OR7E24: variants seen among roughly 807,000 people sequenced by gnomAD.
The protein encoded by OR7E24 is olfactory receptor 7E24.
For synonymous variants in OR7E24, 130 were observed against 157.5 expected, an observed-to-expected ratio of 0.83 and a Z score of 1.31; for missense variants, 385 against 410.3, an observed-to-expected ratio of 0.94 and a Z score of 0.53.
At chr19:9,235,252 G>A in the OR7E24 span, 2 of 1,457,038 alleles carry the variant, frequency 1.4e-6, no homozygotes, top group Middle Eastern at 1.7e-4. Flanking sequence ...CATGTACCTG[G>A]TCATGGTGCT....
chr19:9,239,519 T>C, the OR7E24 span, among the ~76,000 whole-genome samples: 1 of 152,018 alleles, frequency 6.6e-6, no homozygotes, highest in African/African-American at 2.4e-5. Flanking sequence ...CAAGGTGATA[T>C]GTCATTGAGG....
At chr19:9,224,516 G>GA in the OR7E24 span, among the ~76,000 whole-genome samples, 1 of 152,094 alleles carries the variant, frequency 6.6e-6, no homozygotes, top group East Asian at 1.9e-4. Flanking sequence ...AGCACTTTGG[G>GA]AGGCTGAGGC....
At chr19:9,213,918 C>T in the OR7E24 span, 1 of 1,614,000 alleles carries the variant, frequency 6.2e-7, no homozygotes, top group Non-Finnish European at 8.5e-7. Context: ...AGAGTCGGCC[C>T]TGCTGAGGAG....
chr19:9,247,729 C>T (rs895422812), upstream of OR7E24, among the ~76,000 whole-genome samples: 16 of 152,192 alleles, frequency 1.1e-4, no homozygotes, highest in Admixed American at 7.2e-4. Context: ...TTCCATACTC[C>T]CTTACAAGCA....
At chr19:9,224,488 G>T in the OR7E24 span, among the ~76,000 whole-genome samples, 1 of 152,022 alleles carries the variant, frequency 6.6e-6, no homozygotes, top group Non-Finnish European at 1.5e-5. Context: ...AGGCATGGTG[G>T]CTCACACCTG....
the OR7E24 span, among the ~76,000 whole-genome samples, chr19:9,236,934 A>G: frequency 6.6e-6 from 1 of 152,194 alleles, no homozygotes; most frequent in Admixed American, 6.5e-5. Context: ...ATTTCATCCT[A>G]AAAACCTTTC....
chr19:9,220,381 C>T, the OR7E24 span, among the ~76,000 whole-genome samples: 1 of 152,196 alleles, frequency 6.6e-6, no homozygotes, highest in Non-Finnish European at 1.5e-5. Flanking sequence ...GGTCTGGTAA[C>T]CAACATTCTA....
the OR7E24 span, among the ~76,000 whole-genome samples, chr19:9,227,708 G>A: frequency 2.7e-5 from 4 of 149,452 alleles, no homozygotes; most frequent in Non-Finnish European, 5.9e-5. Flanking sequence ...ATTCCTCTGG[G>A]TATATACCCA....
At chr19:9,223,256 C>T in the OR7E24 span, among the ~76,000 whole-genome samples, 4 of 152,178 alleles carry the variant, frequency 2.6e-5, no homozygotes, top group East Asian at 1.9e-4. Context: ...TCTTGCTGAC[C>T]ATTCGGACAT....
chr19:9,221,337 GC>G, the OR7E24 span, among the ~76,000 whole-genome samples: 8 of 122,786 alleles, frequency 6.5e-5, no homozygotes, highest in Non-Finnish European at 1.1e-4. Context: ...CAGGTCTTTT[GC>G]CCTTTTTTTT....
chr19:9,221,476 G>A, the OR7E24 span, among the ~76,000 whole-genome samples: 505 of 141,334 alleles, frequency 3.6e-3, no homozygotes, highest in Non-Finnish European at 5.7e-3. Context: ...TCAGCCTCCC[G>A]AGTAGCTGGG....
At chr19:9,225,205 T>G in the OR7E24 span, among the ~76,000 whole-genome samples, 2 of 151,854 alleles carry the variant, frequency 1.3e-5, no homozygotes, top group African/African-American at 4.8e-5. Context: ...GGAAACCCCA[T>G]CTCTACTAAA....
upstream of OR7E24, among the ~76,000 whole-genome samples, chr19:9,246,689 C>G (rs1254992465): frequency 6.6e-6 from 1 of 152,152 alleles, no homozygotes; most frequent in African/African-American, 2.4e-5. Flanking sequence ...GAAGGCACTT[C>G]TGACACATGA....
chr19:9,234,357 TTAA>T, the OR7E24 span, among the ~76,000 whole-genome samples: 1 of 152,160 alleles, frequency 6.6e-6, no homozygotes, highest in African/African-American at 2.4e-5. Flanking sequence ...AAGAAGGAGT[TTAA>T]TAATATCGAC....
the OR7E24 span, among the ~76,000 whole-genome samples, chr19:9,223,087 T>C: frequency 7.9e-5 from 12 of 152,192 alleles, no homozygotes; most frequent in Admixed American, 5.9e-4. Context: ...TTCTGTGAGT[T>C]TGATGTTTCT....
the OR7E24 span, chr19:9,235,918 T>C: frequency 1.2e-6 from 2 of 1,606,374 alleles, no homozygotes; most frequent in Non-Finnish European, 1.7e-6. Context: ...ACTTGGGGTC[T>C]ATCTCAGTTC....
the OR7E24 span, among the ~76,000 whole-genome samples, chr19:9,217,406 C>T: frequency 2.8e-3 from 423 of 152,096 alleles, 5 homozygotes; most frequent in African/African-American, 9.4e-3. Flanking sequence ...ACTATTTATG[C>T]CTAGAGAATG....
At chr19:9,221,591 TC>T in the OR7E24 span, among the ~76,000 whole-genome samples, 15 of 151,986 alleles carry the variant, frequency 9.9e-5, no homozygotes, top group African/African-American at 3.6e-4. Flanking sequence ...GACCCCGTGA[TC>T]CGCTCTCCTC....
upstream of OR7E24, chr19:9,247,644 GGGGTTTATTTTCAGGGTTTATGTTCA>G (rs1282957576): frequency 1.3e-5 from 5 of 397,712 alleles, no homozygotes; most frequent in African/African-American, 2.1e-5. Context: ...GTTTATGTTC[GGGGTTTATTTTCAGGGTTTATGTTCA>G]GGGTTGTGTG....
Sources: allele counts gnomAD v4.1 joint callset (sites outside exome capture counted in the v4.1 genomes callset), GRCh38; gene constraint gnomAD v4.1.1; transcripts MANE v1.5; gene names NCBI Gene and HGNC (gene_info 2026-07-23, HGNC 2026-07-21).